CSNK1G2: variants seen among roughly 807,000 people sequenced by gnomAD.
CSNK1G2 encodes the protein casein kinase 1 gamma 2, also known as casein kinase I isoform gamma-2.
A neutral mutation model predicts 48.0 loss-of-function variants in CSNK1G2; 11 were observed. The ratio of observed to expected loss-of-function variants is 0.23; its 90% CI spans 0.14 to 0.38. CSNK1G2 has a LOEUF of 0.38. Among genes scored for constraint, CSNK1G2 ranks in the 10% least tolerant of loss-of-function variants. The pLI, the probability that CSNK1G2 is intolerant of heterozygous loss-of-function variation, is 1.00. For missense variants in CSNK1G2, 446 were observed against 595.5 expected, an observed-to-expected ratio of 0.75 and a Z score of 2.61; for synonymous variants, 337 against 254.1, an observed-to-expected ratio of 1.33 and a Z score of -3.10.
chr19:1,945,247 C>T (rs1487128319), intron 1 of CSNK1G2, among the ~76,000 whole-genome samples: 1 of 152,246 alleles, frequency 6.6e-6, no homozygotes. Flanking sequence ...ACAGGGGAGC[C>T]GCTTCTCAGA....
intron 1 of CSNK1G2, among the ~76,000 whole-genome samples, chr19:1,946,301 A>ATTATTTATTTT (rs1568178945): frequency 1.9e-4 from 14 of 72,968 alleles, no homozygotes; most frequent in African/African-American, 3.0e-4. Context: ...TTATTTATTT[A>ATTATTTATTTT]TTTTTTTTAA....
At chr19:1,943,471 A>G (rs759333280) in intron 1 of CSNK1G2, among the ~76,000 whole-genome samples, 16 of 152,066 alleles carry the variant, frequency 1.1e-4, no homozygotes, top group African/African-American at 2.2e-4. Flanking sequence ...TTAATAATAC[A>G]GTAATTACTC....
Position 1,957,348 on chromosome 19 carries a change from G to A in CSNK1G2, c.-265-12160G>A, listed in dbSNP as rs935814945. Among the ~76,000 whole-genome samples, 6 of 152,364 alleles carry A rather than the reference G, an allele frequency of 3.9e-5. No individual in the cohort carries two copies. The East Asian group carries it at 1.2e-3, about 29-fold the overall frequency. On this transcript the variant is annotated intron_variant, in intron 1 of 11. Transcript: ENST00000255641. This position sits in a 1 kb window ranked among gnomAD's most constrained non-coding sequence, Gnocchi z 5.4. ...CCCGGGAGGTCACGTGGGCACCACA[G>A]ACGAAAGTGGAGCCGGGGGAGAGAT... is the stretch of plus-strand genomic sequence containing the variant.
chr19:1,945,262 C>T (rs748728191), intron 1 of CSNK1G2, among the ~76,000 whole-genome samples: 6 of 152,234 alleles, frequency 3.9e-5, no homozygotes, highest in African/African-American at 9.6e-5. Context: ...CTCAGACCCC[C>T]GGGCTGGCCC....
chr19:1,954,194 C>T, intron 1 of CSNK1G2: 1 of 379,932 alleles, frequency 2.6e-6, no homozygotes, highest in Non-Finnish European at 5.3e-6. Context: ...GCTCCTGCGC[C>T]CCTCCATTGT....
At chr19:1,947,050 G>T (rs557624188) in intron 1 of CSNK1G2, among the ~76,000 whole-genome samples, 3 of 152,206 alleles carry the variant, frequency 2.0e-5, no homozygotes, top group Admixed American at 1.3e-4. Context: ...CACCGTGCCC[G>T]GCCCTATCGC....
intron 2 of CSNK1G2, among the ~76,000 whole-genome samples, chr19:1,977,983 C>G (rs1223649702): frequency 6.6e-6 from 1 of 152,020 alleles, no homozygotes; most frequent in African/African-American, 2.4e-5. Context: ...GAGTGTGGAG[C>G]CCTTGGGGCT....
At chr19:1,962,482 C>G (rs1049206562) in intron 1 of CSNK1G2, among the ~76,000 whole-genome samples, 1 of 149,404 alleles carries the variant, frequency 6.7e-6, no homozygotes, top group African/African-American at 2.5e-5. Context: ...GCCTAGGCAA[C>G]ATAGCAAGAT....
At chr19:1,974,015 G>A (rs576672668) in intron 2 of CSNK1G2, among the ~76,000 whole-genome samples, 1 of 152,060 alleles carries the variant, frequency 6.6e-6, no homozygotes, top group African/African-American at 2.4e-5. Flanking sequence ...AGCCTCCCGA[G>A]TAGCTGGGAT....
At chr19:1,942,569 C>G (rs1286951775) in intron 1 of CSNK1G2, 1 of 152,252 alleles carries the variant, frequency 6.6e-6, no homozygotes, top group East Asian at 1.9e-4. Flanking sequence ...TTTCCTGGCT[C>G]CCGGAGGCCC....
At chr19:1,948,839 G>A (rs887652111) in intron 1 of CSNK1G2, among the ~76,000 whole-genome samples, 1 of 152,200 alleles carries the variant, frequency 6.6e-6, no homozygotes, top group African/African-American at 2.4e-5. Flanking sequence ...CACGTGGTCC[G>A]CGCACACATA....
In CSNK1G2 at chr19:1,960,276, C is replaced by G. The variant is rs558871288; in HGVS notation, c.-265-9232C>G. Among the ~76,000 whole-genome samples the G allele has an allele frequency of 1.4e-3, 210 of 152,372 alleles. 6 individuals carry two copies. In the South Asian group the frequency reaches 0.042, roughly 30 times the overall value. ...GGATGGCGCCTGCCCCTTCCCCCTC[C>G]CTACCCGGCTTCTGCACGCAGTCCC... On this transcript the variant is annotated intron_variant, in intron 1 of 11. Coordinates refer to ENST00000255641, the MANE Select transcript of CSNK1G2 (RefSeq NM_001319.7).
Position 1,978,937 on chromosome 19 carries a change from C to A in CSNK1G2, c.526C>A (p.Pro176Thr). 6.2e-7 allele frequency: 1 copy of A among 1,601,970 alleles called. No homozygotes were observed. The highest frequency in any genetic ancestry group is 1.1e-5 in the South Asian group (1 of 91,080). ...VKPENFLVGR[P>T]GTKRQHAIHI... ...GCCCGAGAACTTCCTGGTGGGCCGC[C>A]CGGGGACCAAGCGGCAGCATGCCAT... The change falls in exon 6 of 12, where the codon CCG (proline) becomes ACG (threonine). Residue 176 changes from proline to threonine, a missense_variant. Physicochemically the swap from Pro to Thr is conservative, Grantham distance 38 (BLOSUM62 -1). Transcript: ENST00000255641. This position sits in a 1 kb window ranked among gnomAD's most constrained non-coding sequence, Gnocchi z 7.3.
Position 1,959,876 on chromosome 19 carries a change from C to T in CSNK1G2, c.-265-9632C>T, listed in dbSNP as rs533953203. 6.0e-5 allele frequency among the ~76,000 whole-genome samples: 9 copies of T among 150,588 alleles called. 1 individual carries two copies. The highest frequency in any genetic ancestry group is 2.2e-4 in the African/African-American group (9 of 40,192). On this transcript the variant is annotated intron_variant, in intron 1 of 11. Transcript: ENST00000255641. ...GCCACCTTTAGTGCCACCGTGGGTCCCCCAGCACCCGCCCCACCTTTAGTG... is the reference window on the plus strand; with the variant it reads ...GCCACCTTTAGTGCCACCGTGGGTCTCCCAGCACCCGCCCCACCTTTAGTG...
In CSNK1G2 at chr19:1,979,977, A is replaced by G; in HGVS notation, c.1153A>G (p.Ile385Val). Residue 385 changes from isoleucine to valine, a missense_variant, in exon 11 of 12, where the codon ATC (isoleucine) becomes GTC (valine). Around this residue, in one of 2 missense-constraint regions of CSNK1G2, gnomAD observed 188 missense variants for 179.6 expected, o/e 1.05. Coordinates refer to ENST00000255641, the MANE Select transcript of CSNK1G2 (RefSeq NM_001319.7). ...DPTAGHSNAP[I>V]TAPAEVEVAD... ...CACGGCCGGCCACTCCAACGCCCCGATCACAGCGCCTGCAGAGGTGGAGGT... is the reference window on the plus strand; with the variant it reads ...CACGGCCGGCCACTCCAACGCCCCGGTCACAGCGCCTGCAGAGGTGGAGGT... The G allele has an allele frequency of 6.3e-7, 1 of 1,590,838 alleles. No individual in the cohort carries two copies. The highest frequency in any genetic ancestry group is 8.6e-7 in the Non-Finnish European group (1 of 1,167,590).
intron 1 of CSNK1G2, among the ~76,000 whole-genome samples, chr19:1,948,259 C>T (rs1191050374): frequency 6.6e-6 from 1 of 152,078 alleles, no homozygotes; most frequent in Non-Finnish European, 1.5e-5. Context: ...CGTGGTGGCT[C>T]ACGCCTGTAA....
At chr19:1,962,065 C>G (rs546387443) in intron 1 of CSNK1G2, among the ~76,000 whole-genome samples, 2 of 152,234 alleles carry the variant, frequency 1.3e-5, no homozygotes, top group East Asian at 3.8e-4. Flanking sequence ...CGCGGTGGCT[C>G]ACGCCTGTAA....
In CSNK1G2 at chr19:1,957,062, G is replaced by A. The variant is rs1374293234; in HGVS notation, c.-265-12446G>A. ...CCTTCGACGGTCGTGCCCTGATGCT[G>A]CGTGGCTTAAACGGTGCCACCCGGA... On this transcript the variant is annotated intron_variant, in intron 1 of 11. Coordinates refer to ENST00000255641, the MANE Select transcript of CSNK1G2 (RefSeq NM_001319.7). The surrounding 1 kb of genome is among the most constrained non-coding windows in gnomAD (Gnocchi z 5.4). Among the ~76,000 whole-genome samples, 1 of 152,190 alleles carries A rather than the reference G, an allele frequency of 6.6e-6. No homozygotes were observed. The highest frequency in any genetic ancestry group is 1.5e-5 in the Non-Finnish European group (1 of 68,028).
At chr19:1,949,446 G>A (rs1245625425) in intron 1 of CSNK1G2, among the ~76,000 whole-genome samples, 2 of 152,226 alleles carry the variant, frequency 1.3e-5, no homozygotes, top group Non-Finnish European at 1.5e-5. Flanking sequence ...TGACACCCTC[G>A]GTGCATCCGC....
Sources: allele counts gnomAD v4.1 joint callset (sites outside exome capture counted in the v4.1 genomes callset), GRCh38; gene constraint gnomAD v4.1.1; regional missense constraint gnomAD v4.1.1; non-coding constraint Gnocchi (gnomAD v3.1); transcripts MANE v1.5; gene names NCBI Gene and HGNC (gene_info 2026-07-23, HGNC 2026-07-21).